ARID4A: variants seen among roughly 807,000 people sequenced by gnomAD.
The protein encoded by ARID4A is AT-rich interaction domain 4A, also known as AT-rich interactive domain-containing protein 4A.
ARID4A carries 39 observed loss-of-function variants against 148.6 expected under a neutral mutation model. That is an observed-to-expected ratio of 0.26 (90% CI 0.20 to 0.34). The LOEUF is 0.34. Among genes scored for constraint, ARID4A ranks in the 10% least tolerant of loss-of-function variants. ARID4A has a pLI of 1.00. For synonymous variants in ARID4A, 475 were observed against 481.2 expected (o/e 0.99, Z 0.17); for missense variants, 1,265 against 1,449.1 (o/e 0.87, Z 2.06).
chr14:58,332,205 A>G (rs938892861), intron 11 of ARID4A, among the ~76,000 whole-genome samples: 5 of 152,082 alleles, frequency 3.3e-5, no homozygotes, highest in African/African-American at 7.2e-5. Flanking sequence ...TCTGTTACCT[A>G]TTGTTTGCAG....
intron 7 of ARID4A, among the ~76,000 whole-genome samples, chr14:58,320,581 T>C (rs2032808521): frequency 6.6e-6 from 1 of 151,880 alleles, no homozygotes; most frequent in African/African-American, 2.4e-5. Context: ...TGTAGCCTTT[T>C]TTCTTCCATG....
In ARID4A at chr14:58,356,361, A is replaced by G. The variant is rs185375105; in HGVS notation, c.1853+2506A>G. ...CTATACTTGATTTTACTATATGTCT[A>G]TCTTTTATAACAGATTATGGGTTGC... On this transcript the variant is annotated intron_variant, in intron 17 of 23. Transcript: ENST00000355431. Among the ~76,000 whole-genome samples, 42 of 152,312 alleles carry G rather than the reference A, an allele frequency of 2.8e-4. 1 individual carries two copies. The highest frequency in any genetic ancestry group is 2.0e-3 in the Admixed American group (31 of 15,294).
chr14:58,322,544 A>G (rs1420726450), intron 7 of ARID4A, among the ~76,000 whole-genome samples: 1 of 152,194 alleles, frequency 6.6e-6, no homozygotes, highest in Admixed American at 6.5e-5. Context: ...CTATGACAAG[A>G]AAAAAAGGAC....
At chr14:58,308,792 A>G (rs1307927288) in intron 5 of ARID4A, among the ~76,000 whole-genome samples, 2 of 152,192 alleles carry the variant, frequency 1.3e-5, no homozygotes, top group East Asian at 1.9e-4. Context: ...AAAGTATTAC[A>G]TGGGTATAGT....
Position 58,360,932 on chromosome 14 carries a change from G to A in ARID4A, c.1970G>A (p.Arg657Lys), listed in dbSNP as rs1309842010. The A allele has an allele frequency of 6.2e-7, 1 of 1,614,152 alleles. No individual in the cohort carries two copies. Among genetic ancestry groups the A allele is most frequent in the Non-Finnish European group, 8.5e-7 (1 of 1,180,020 alleles). The change falls in exon 19 of 24, where the codon AGA (arginine) becomes AAA (lysine). Residue 657 changes from arginine (R) to lysine (K), a missense_variant. Coordinates refer to ENST00000355431, the MANE Select transcript of ARID4A (RefSeq NM_002892.4). ...GAAGATAGTGAAAAGGACGAAAAGAGAGATGAGGAGAGGCAGAAGTCAAAA... is the reference window on the plus strand; with the variant it reads ...GAAGATAGTGAAAAGGACGAAAAGAAAGATGAGGAGAGGCAGAAGTCAAAA... ...NKEDSEKDEK[R>K]DEERQKSKRG...
intron 11 of ARID4A, among the ~76,000 whole-genome samples, chr14:58,335,311 C>CTTTT (rs71448948): frequency 7.3e-6 from 1 of 137,726 alleles, no homozygotes; most frequent in Non-Finnish European, 1.6e-5. Context: ...AGGATTTTAT[C>CTTTT]TTTTTTTTTT....
At position 58,311,942 on chromosome 14, in the gene ARID4A, G is replaced by GTGAGGGA. The variant is rs1425074510; in HGVS notation, c.274+5832_274+5838dup. Among the ~76,000 whole-genome samples the GTGAGGGA allele has an allele frequency of 2.0e-5, 3 of 147,048 alleles. No homozygotes were observed. In the East Asian group the frequency reaches 6.2e-4, roughly 31 times the overall value. On this transcript the variant is annotated intron_variant, in intron 5 of 23. Coordinates refer to ENST00000355431, the MANE Select transcript of ARID4A (RefSeq NM_002892.4). ...GCAGCTTGGTTGGGGTGGGCGGGGG[G>GTGAGGGA]TGAGGGATTAGGTAAATGTCGGTTA...
intron 13 of ARID4A, among the ~76,000 whole-genome samples, chr14:58,346,787 G>A (rs954892645): frequency 2.0e-5 from 3 of 150,684 alleles, no homozygotes; most frequent in African/African-American, 7.3e-5. Context: ...AATTAGCCAG[G>A]CATGGTGTCG....
chr14:58,352,191 T>G (rs1399303249), intron 16 of ARID4A, among the ~76,000 whole-genome samples: 1 of 152,128 alleles, frequency 6.6e-6, no homozygotes, highest in Non-Finnish European at 1.5e-5. Context: ...TGACCTGCCA[T>G]TGAGAGAATA....
At chr14:58,363,664 C>T (rs2035229238) in intron 19 of ARID4A, among the ~76,000 whole-genome samples, 1 of 151,966 alleles carries the variant, frequency 6.6e-6, no homozygotes, top group African/African-American at 2.4e-5. Flanking sequence ...CCACTGCACT[C>T]TAGCCTGGGC....
At chr14:58,333,848 A>C (rs1429476413) in intron 11 of ARID4A, among the ~76,000 whole-genome samples, 1 of 152,168 alleles carries the variant, frequency 6.6e-6, no homozygotes, top group Admixed American at 6.5e-5. Flanking sequence ...AAATTGGTGG[A>C]ATTTAAAGAA....
intron 5 of ARID4A, among the ~76,000 whole-genome samples, chr14:58,317,960 C>G (rs1234760048): frequency 1.3e-5 from 2 of 151,184 alleles, no homozygotes; most frequent in African/African-American, 4.9e-5. Flanking sequence ...ATAGCAAAAT[C>G]CTGTCTTTAT....
intron 16 of ARID4A, among the ~76,000 whole-genome samples, chr14:58,352,073 A>G (rs1458070009): frequency 6.6e-6 from 1 of 152,232 alleles, no homozygotes; most frequent in African/African-American, 2.4e-5. Flanking sequence ...GAGCAACAAC[A>G]TAACATACTT....
In ARID4A at chr14:58,366,061, C is replaced by A; in HGVS notation, c.3354C>A (p.Asp1118Glu). The A allele has an allele frequency of 6.2e-7, 1 of 1,613,688 alleles. No homozygotes were observed. Among genetic ancestry groups the A allele is most frequent in the Non-Finnish European group, 8.5e-7 (1 of 1,179,708 alleles). Reference sequence around the variant, plus strand: ...ATAGTGAAGATCTTCCTGTCCTAGACAATTCAAGTAAATGTACCCCAGTAA... The same window carrying A: ...ATAGTGAAGATCTTCCTGTCCTAGAAAATTCAAGTAAATGTACCCCAGTAA... The part of the protein sequence containing the change: ...SSDSEDLPVL[D>E]NSSKCTPVKH... Residue 1118 changes from aspartate to glutamate, a missense_variant, in exon 22 of 24, where the codon GAC (aspartate) becomes GAA (glutamate). Physicochemically the swap from Asp to Glu is conservative, Grantham distance 45 (BLOSUM62 2). This residue lies in a region of ARID4A where 666 missense variants were observed against 730.9 expected (regional missense o/e 0.91). Coordinates refer to ENST00000355431, the MANE Select transcript of ARID4A (RefSeq NM_002892.4).
intron 22 of ARID4A, 140 bp downstream of exon 22, chr14:58,366,370 C>T: frequency 2.8e-6 from 2 of 704,404 alleles, no homozygotes; most frequent in Non-Finnish European, 4.6e-6. Flanking sequence ...TAGCAAGAAT[C>T]ACCACATGTT....
intron 17 of ARID4A, among the ~76,000 whole-genome samples, chr14:58,354,688 TAA>T (rs201953201): frequency 9.7e-5 from 12 of 123,408 alleles, no homozygotes; most frequent in Admixed American, 3.3e-4. Context: ...GTCTCATAAA[TAA>T]AAAAAAAAAA....
intron 23 of ARID4A, among the ~76,000 whole-genome samples, chr14:58,367,439 T>C (rs1324195155): frequency 1.3e-5 from 2 of 152,216 alleles, no homozygotes; most frequent in African/African-American, 4.8e-5. Context: ...GCAACTAAAA[T>C]ATAAGATAGT....
intron 15 of ARID4A, 46 bp downstream of exon 15, chr14:58,347,924 ATTT>A: frequency 7.5e-7 from 1 of 1,337,260 alleles, no homozygotes; most frequent in Non-Finnish European, 1.0e-6. Context: ...ATTATTTAAA[ATTT>A]TTTATTATAG....
At position 58,351,196 on chromosome 14, in the gene ARID4A, G is replaced by A; in HGVS notation, c.1528G>A (p.Ala510Thr). 6.2e-7 allele frequency: 1 copy of A among 1,612,790 alleles called. No homozygotes were observed. The highest frequency in any genetic ancestry group is 8.5e-7 in the Non-Finnish European group (1 of 1,179,780). The change falls in exon 16 of 24, where the codon GCA (alanine) becomes ACA (threonine). Residue 510 changes from alanine (A) to threonine (T), a missense_variant. Transcript: ENST00000355431. ...NKDVDDDYET[A>T]EKKENELLLG... ...GGATGTAGATGATGACTATGAAACT[G>A]CAGAGAAAAAAGAAAATGAGCTACT...
Sources: allele counts gnomAD v4.1 joint callset (sites outside exome capture counted in the v4.1 genomes callset), GRCh38; gene constraint gnomAD v4.1.1; regional missense constraint gnomAD v4.1.1; transcripts MANE v1.5; gene names NCBI Gene and HGNC (gene_info 2026-07-23, HGNC 2026-07-21).